The following DSTYK variants were observed in gnomAD, a reference collection of about 807,000 sequenced individuals.
DSTYK encodes the protein dual serine/threonine and tyrosine protein kinase.
Under a neutral mutation model 98.7 loss-of-function variants are expected in DSTYK, and 34 were observed. That is an observed-to-expected ratio of 0.34 (90% CI 0.26 to 0.46). The LOEUF (loss-of-function observed/expected upper bound fraction) is 0.46, where lower values mean the gene tolerates loss of function less well. Ranked by LOEUF, DSTYK falls within the 20% of genes least tolerant of loss-of-function variation. The pLI, the probability that DSTYK is intolerant of heterozygous loss-of-function variation, is 1.00. For synonymous variants in DSTYK, 462 were observed against 457.3 expected, an observed-to-expected ratio of 1.01 and a Z score of -0.13; for missense variants, 962 against 1,181.7, an observed-to-expected ratio of 0.81 and a Z score of 2.73.
At chr1:205,162,310 G>T in intron 5 of DSTYK, 98 bp from the exon 6 acceptor site, 1 of 1,412,992 alleles carries the variant, frequency 7.1e-7, no homozygotes. Flanking sequence ...CATTCATTAA[G>T]AGCAGGCTCA....
At chr1:205,161,868 T>C (rs563321568) in intron 6 of DSTYK, among the ~76,000 whole-genome samples, 168 bp downstream of exon 6, 1 of 151,966 alleles carries the variant, frequency 6.6e-6, no homozygotes, top group Non-Finnish European at 1.5e-5. Context: ...AATATACTGA[T>C]GATTTTAATA....
At position 205,169,961 on chromosome 1, in the gene DSTYK, T is replaced by C. The variant is rs1407259091; in HGVS notation, c.655-129A>G. The C allele has an allele frequency of 8.5e-6, 7 of 820,102 alleles. No homozygotes were observed. Among genetic ancestry groups the C allele is most frequent in the Non-Finnish European group, 1.3e-5 (7 of 537,148 alleles). The allele number at this position is 820,102 out of a possible 1,614,324, so 50.8% of individuals were successfully genotyped here. On this transcript the variant is annotated intron_variant, in intron 2 of 12. Coordinates refer to ENST00000367162, the MANE Select transcript of DSTYK (RefSeq NM_015375.3). The surrounding 1 kb of genome is among the most constrained non-coding windows in gnomAD (Gnocchi z 4.0). ...AATTGGACTTCGGTACCCCAGCCAT[T>C]GATCCACCTCCTTCCTCGGTTACCA...
At chr1:205,181,424 G>A (rs1030357549) in intron 2 of DSTYK, among the ~76,000 whole-genome samples, 5 of 151,928 alleles carry the variant, frequency 3.3e-5, no homozygotes, top group Admixed American at 6.6e-5. Flanking sequence ...GCATGATCTC[G>A]GCTCACTGCA....
chr1:205,142,840 A>G lies in DSTYK; in HGVS notation c.*4718T>C, dbSNP rs771574671. 1.2e-4 allele frequency: 19 copies of G among 152,220 alleles called. No homozygotes were observed. Among genetic ancestry groups the G allele is most frequent in the Admixed American group, 2.0e-4 (3 of 15,280 alleles). The allele number at this position is 152,220 out of a possible 1,614,324, so 9.4% of individuals were successfully genotyped here. A position where few individuals can be genotyped will look rare whatever the true frequency, so the allele number is the denominator to read the frequency against. ...CATTAGTCCTTTAAAACAAAGAAAA[A>G]ACATTACATGAAGACAAAAGACAAC... is the stretch of plus-strand genomic sequence containing the variant. On this transcript the variant is annotated 3_prime_UTR_variant, in exon 13 of 13. Transcript: ENST00000367162.
At chr1:205,175,728 T>C (rs1036220933) in intron 2 of DSTYK, among the ~76,000 whole-genome samples, 1 of 152,218 alleles carries the variant, frequency 6.6e-6, no homozygotes, top group Non-Finnish European at 1.5e-5. Context: ...AGAGCTGTTA[T>C]GGGCCTTAGT....
At chr1:205,148,782 A>G (rs926340581) in intron 11 of DSTYK, among the ~76,000 whole-genome samples, 2 of 152,058 alleles carry the variant, frequency 1.3e-5, no homozygotes, top group African/African-American at 4.8e-5. Context: ...AGGTGACATG[A>G]AGAATATAAT....
intron 1 of DSTYK, among the ~76,000 whole-genome samples, chr1:205,207,276 A>G (rs1659230224): frequency 6.6e-6 from 1 of 150,384 alleles, no homozygotes; most frequent in African/African-American, 2.4e-5. Context: ...ATGGGGTTTC[A>G]CCACGTTGGC....
chr1:205,193,457 T>C (rs1474238732), intron 1 of DSTYK, among the ~76,000 whole-genome samples: 1 of 152,198 alleles, frequency 6.6e-6, no homozygotes, highest in Non-Finnish European at 1.5e-5. Flanking sequence ...TAAAGGAGAT[T>C]GGAAGGCTTC....
chr1:205,149,916 C>G (rs933474806), intron 11 of DSTYK, among the ~76,000 whole-genome samples: 1 of 152,142 alleles, frequency 6.6e-6, no homozygotes, highest in African/African-American at 2.4e-5. Flanking sequence ...AATTTTCTCT[C>G]CTTCATGCTA....
chr1:205,202,524 G>C, intron 1 of DSTYK: 1 of 865,732 alleles, frequency 1.2e-6, no homozygotes, highest in Non-Finnish European at 1.9e-6. Context: ...TAGATTCTCT[G>C]GTCGTTGGGC....
chr1:205,178,986 C>A (rs760344117), intron 2 of DSTYK, among the ~76,000 whole-genome samples: 3 of 151,892 alleles, frequency 2.0e-5, no homozygotes, highest in Non-Finnish European at 4.4e-5. Context: ...AAATATTAGC[C>A]AGGCATAGTA....
chr1:205,204,548 C>A (rs1659146780), intron 1 of DSTYK, among the ~76,000 whole-genome samples: 1 of 151,868 alleles, frequency 6.6e-6, no homozygotes, highest in South Asian at 2.1e-4. Flanking sequence ...ATATTATCTC[C>A]AAATGTCACA....
At chr1:205,205,343 C>T (rs1418013155) in intron 1 of DSTYK, among the ~76,000 whole-genome samples, 1 of 152,114 alleles carries the variant, frequency 6.6e-6, no homozygotes, top group East Asian at 1.9e-4. Context: ...TCTCCTCTTT[C>T]CCAACTTTTC....
chr1:205,202,606 G>A, intron 1 of DSTYK: 7 of 1,120,200 alleles, frequency 6.2e-6, no homozygotes, highest in South Asian at 2.5e-5. Context: ...TAACCCATAC[G>A]TGAGCTCTCT....
At chr1:205,187,279 A>C in intron 2 of DSTYK, 139 bp downstream of exon 2, 1 of 1,004,006 alleles carries the variant, frequency 1.0e-6, no homozygotes, top group East Asian at 2.7e-5. Context: ...AACTTCCCAG[A>C]TTATGTTCCT....
In DSTYK at chr1:205,186,043, A is replaced by G. The variant is rs554912079; in HGVS notation, c.654+1375T>C. ...ATCTCAAAAAAGAAAAAAAGAAAAGAAAAAAAATATATATATAAGTTTGAA... is the reference window on the plus strand; with the variant it reads ...ATCTCAAAAAAGAAAAAAAGAAAAGGAAAAAAATATATATATAAGTTTGAA... On this transcript the variant is annotated intron_variant, in intron 2 of 12. Coordinates refer to ENST00000367162, the MANE Select transcript of DSTYK (RefSeq NM_015375.3). 6.6e-5 allele frequency among the ~76,000 whole-genome samples: 10 copies of G among 152,070 alleles called. No homozygotes were observed. The East Asian group carries it at 1.9e-3, about 29-fold the overall frequency.
chr1:205,168,934 G>A (rs752648875), intron 3 of DSTYK, among the ~76,000 whole-genome samples: 2 of 152,206 alleles, frequency 1.3e-5, no homozygotes, highest in Non-Finnish European at 2.9e-5. Context: ...TTTACCAAAA[G>A]TTGAGCTAAT....
intron 10 of DSTYK, among the ~76,000 whole-genome samples, chr1:205,153,706 G>T (rs78558763): frequency 5.3e-5 from 5 of 94,016 alleles, no homozygotes; most frequent in Non-Finnish European, 6.6e-5. Context: ...CTTACTTTTT[G>T]TGTGTGTGTG....
chr1:205,155,017 C>G lies in DSTYK; in HGVS notation c.2352+2256G>C, dbSNP rs567086993. ...TTATTTATTTAGAGACAGAGCCTCACTCTGTCACCCAGGCTGGAGTGCAGT... is the reference window on the plus strand; with the variant it reads ...TTATTTATTTAGAGACAGAGCCTCAGTCTGTCACCCAGGCTGGAGTGCAGT... On this transcript the variant is annotated intron_variant, in intron 10 of 12. Coordinates refer to ENST00000367162, the MANE Select transcript of DSTYK (RefSeq NM_015375.3). Among the ~76,000 whole-genome samples the G allele has an allele frequency of 5.2e-4, 79 of 151,822 alleles. 1 individual carries two copies. The Middle Eastern group carries it at 0.01, about 20-fold the overall frequency.
Sources: allele counts gnomAD v4.1 joint callset (sites outside exome capture counted in the v4.1 genomes callset), GRCh38; gene constraint gnomAD v4.1.1; non-coding constraint Gnocchi (gnomAD v3.1); transcripts MANE v1.5; gene names NCBI Gene and HGNC (gene_info 2026-07-23, HGNC 2026-07-21).